Variants in UBTD2 observed in about 807,000 individuals in gnomAD.
UBTD2 encodes ubiquitin domain-containing protein 2.
UBTD2 carries 9 observed loss-of-function variants against 19.8 expected under a neutral mutation model. That is an observed-to-expected ratio of 0.46 (90% confidence interval 0.27 to 0.79). The LOEUF is 0.79. Among genes scored for constraint, UBTD2 ranks in the 30% least tolerant of loss-of-function variants. The pLI is 0.14. For missense variants in UBTD2, 250 were observed against 300.4 expected (o/e 0.83, Z 1.24); for synonymous variants, 98 against 103.9 (o/e 0.94, Z 0.35).
Position 172,212,218 on chromosome 5 carries a change from G to T in UBTD2, c.317C>A (p.Thr106Lys). Residue 106 changes from threonine (T) to lysine (K), a missense_variant, in exon 3 of 3, where the codon ACA becomes AAA. Thr to Lys is a moderately conservative substitution (Grantham distance 78). Transcript: ENST00000393792. ...GTTCCCCAGTTCATCGTAGCACTCT[G>T]TAAGTGCACCTTCAGAAAGAGAAGA... Reference protein sequence around the residue: ...ANITLPHGALTECYDELGNRY... With the variant: ...ANITLPHGALKECYDELGNRY... The T allele has an allele frequency of 6.3e-7, 1 of 1,590,738 alleles. No individual in the cohort carries two copies. Among genetic ancestry groups the T allele is most frequent in the African/African-American group, 1.3e-5 (1 of 74,244 alleles).
chr5:172,255,702 C>T (rs1464667726), intron 1 of UBTD2, among the ~76,000 whole-genome samples: 1 of 152,194 alleles, frequency 6.6e-6, no homozygotes, highest in African/African-American at 2.4e-5. Context: ...GATGCCGGCG[C>T]CGCTCGCTCA....
At chr5:172,282,085 A>G (rs1755729233) in intron 1 of UBTD2, among the ~76,000 whole-genome samples, 1 of 152,230 alleles carries the variant, frequency 6.6e-6, no homozygotes, top group Non-Finnish European at 1.5e-5. Context: ...GCTTATGACA[A>G]TATTAAAATG....
chr5:172,215,006 A>G (rs1771515521), intron 2 of UBTD2, among the ~76,000 whole-genome samples: 1 of 152,218 alleles, frequency 6.6e-6, no homozygotes, highest in African/African-American at 2.4e-5. Context: ...AGGCAGGGTA[A>G]TACAGAGCAT....
At chr5:172,265,479 C>T (rs938739473) in intron 1 of UBTD2, among the ~76,000 whole-genome samples, 4 of 151,900 alleles carry the variant, frequency 2.6e-5, no homozygotes, top group East Asian at 1.9e-4. Flanking sequence ...GGACTACAGG[C>T]GCCCACCACC....
chr5:172,223,617 A>AAAAAAAAAAG (rs1561850764), intron 2 of UBTD2, among the ~76,000 whole-genome samples: 18 of 129,282 alleles, frequency 1.4e-4, no homozygotes, highest in African/African-American at 5.5e-4. Flanking sequence ...AAAAAAAAAA[A>AAAAAAAAAAG]GCACACTTAG....
intron 1 of UBTD2, among the ~76,000 whole-genome samples, chr5:172,269,196 T>G (rs1243146886): frequency 2.0e-5 from 3 of 152,080 alleles, no homozygotes; most frequent in African/African-American, 7.2e-5. Context: ...AAATTGTCAT[T>G]TAAAAAGTTT....
chr5:172,266,706 C>T (rs1284295669), intron 1 of UBTD2, among the ~76,000 whole-genome samples: 1 of 152,130 alleles, frequency 6.6e-6, no homozygotes, highest in Non-Finnish European at 1.5e-5. Context: ...GTAAGGTTCA[C>T]ATCATAAACA....
chr5:172,236,361 CTGAG>C (rs773968850), intron 1 of UBTD2, among the ~76,000 whole-genome samples: 23 of 152,244 alleles, frequency 1.5e-4, no homozygotes, highest in Non-Finnish European at 3.4e-4. Flanking sequence ...CAAATATGTA[CTGAG>C]TGTCTACTGG....
At position 172,211,700 on chromosome 5, in the gene UBTD2, T is replaced by A; in HGVS notation, c.*130A>T. 1 of 1,005,530 alleles carries A rather than the reference T, an allele frequency of 9.9e-7. No individual in the cohort carries two copies. Among genetic ancestry groups the A allele is most frequent in the East Asian group, 2.9e-5 (1 of 34,944 alleles). The allele number at this position is 1,005,530 out of a possible 1,614,324, so 62.3% of individuals were successfully genotyped here. A position where few individuals can be genotyped will look rare whatever the true frequency, so the allele number is the denominator to read the frequency against. On this transcript the variant is annotated 3_prime_UTR_variant, in exon 3 of 3. Transcript: ENST00000393792. ...ACAGATGGAATTTTTCACTGGTAAT[T>A]CCTCAGAACTAAATCCATTCATAGG... is the stretch of plus-strand genomic sequence containing the variant.
chr5:172,230,846 C>T (rs377755451), intron 2 of UBTD2, among the ~76,000 whole-genome samples: 12 of 150,410 alleles, frequency 8.0e-5, no homozygotes, highest in Admixed American at 1.3e-4. Flanking sequence ...TGCAGTGACG[C>T]GATCTTGGCT....
At position 172,277,058 on chromosome 5, in the gene UBTD2, ACT is replaced by A. The variant is rs1327659766; in HGVS notation, c.70+6536_70+6537del. On this transcript the variant is annotated intron_variant, in intron 1 of 2. Coordinates refer to ENST00000393792, the MANE Select transcript of UBTD2 (RefSeq NM_152277.3). ...TACTCCACCCTGGGTGACAAAGCAG[ACT>A]CTGTCTCAAAAAAAAAAAAAAAAAA... is the stretch of plus-strand genomic sequence containing the variant. 6.0e-5 allele frequency among the ~76,000 whole-genome samples: 7 copies of A among 115,830 alleles called. No individual in the cohort carries two copies. In the South Asian group the frequency reaches 1.4e-3, roughly 24 times the overall value. 76.0% of individuals were successfully genotyped at this position (115,830 alleles called of 152,430 possible). A position where few individuals can be genotyped will look rare whatever the true frequency, so the allele number is the denominator to read the frequency against.
intron 1 of UBTD2, among the ~76,000 whole-genome samples, chr5:172,254,126 GT>G (rs1755090226): frequency 6.6e-6 from 1 of 152,148 alleles, no homozygotes; most frequent in African/African-American, 2.4e-5. Context: ...TTGAGACAGA[GT>G]CTCGCTCTGT....
Position 172,234,287 on chromosome 5 carries a change from C to T in UBTD2, c.142G>A (p.Gly48Arg). 6.2e-7 allele frequency: 1 copy of T among 1,614,200 alleles called. No homozygotes were observed. Among genetic ancestry groups the T allele is most frequent in the South Asian group, 1.1e-5 (1 of 91,088 alleles). ...TCATCCCTCTTGCTGCGTAGTTGTCCATCTGTCATAGGATAATCGCTTTTC... is the reference window on the plus strand; with the variant it reads ...TCATCCCTCTTGCTGCGTAGTTGTCTATCTGTCATAGGATAATCGCTTTTC... ...KWKSDYPMTD[G>R]QLRSKRDEFW... Residue 48 changes from glycine to arginine, a missense_variant, in exon 2 of 3, where the codon GGA (glycine) becomes AGA (arginine). Coordinates refer to ENST00000393792, the MANE Select transcript of UBTD2 (RefSeq NM_152277.3).
At chr5:172,238,796 G>A (rs1474100558) in intron 1 of UBTD2, among the ~76,000 whole-genome samples, 1 of 152,138 alleles carries the variant, frequency 6.6e-6, no homozygotes, top group African/African-American at 2.4e-5. Flanking sequence ...TTGATTTAAT[G>A]ATGGAACGCT....
At chr5:172,254,635 G>T in intron 1 of UBTD2, 1 of 635,410 alleles carries the variant, frequency 1.6e-6, no homozygotes, top group Non-Finnish European at 2.8e-6. Flanking sequence ...TCACATCTGT[G>T]TATCCTCCAC....
chr5:172,233,581 C>T (rs1771947096), intron 2 of UBTD2, among the ~76,000 whole-genome samples: 1 of 152,098 alleles, frequency 6.6e-6, no homozygotes, highest in African/African-American at 2.4e-5. Context: ...CTCAGGGCTA[C>T]AATCATGGAA....
At chr5:172,236,007 T>C (rs956925397) in intron 1 of UBTD2, among the ~76,000 whole-genome samples, 1 of 152,178 alleles carries the variant, frequency 6.6e-6, no homozygotes, top group Non-Finnish European at 1.5e-5. Context: ...ATCCATGAAA[T>C]TGACTACTCC....
intron 1 of UBTD2, among the ~76,000 whole-genome samples, chr5:172,251,553 C>G (rs891975848): frequency 4.7e-5 from 7 of 148,432 alleles, no homozygotes; most frequent in African/African-American, 1.7e-4. Context: ...AAGGGACTTC[C>G]AATATGGCTA....
chr5:172,215,935 G>A (rs202154660), intron 2 of UBTD2, among the ~76,000 whole-genome samples: 6 of 152,188 alleles, frequency 3.9e-5, no homozygotes, highest in South Asian at 4.2e-4. Flanking sequence ...AGGTTGAGGC[G>A]GGGGTATCAC....
Sources: gnomAD v4.1 joint callset for allele counts (sites outside exome capture counted in the v4.1 genomes callset) on GRCh38, gnomAD v4.1.1 for gene constraint, MANE v1.5 for transcripts, NCBI Gene and HGNC (gene_info 2026-07-23, HGNC 2026-07-21) for gene names.